The following ASAP1 variants were observed in gnomAD, a reference collection of about 807,000 sequenced individuals.
ASAP1 encodes the protein arf-GAP with SH3 domain, ANK repeat and PH domain-containing protein 1.
A neutral mutation model predicts 145.2 loss-of-function variants in ASAP1; 43 were observed. The observed-to-expected ratio is 0.30, with a 90% CI of 0.23 to 0.38. ASAP1 has a LOEUF of 0.38. ASAP1 is among the 10% of genes least tolerant of loss of function. The pLI, the probability that ASAP1 is intolerant of heterozygous loss-of-function variation, is 1.00. For missense variants in ASAP1, 1,018 were observed against 1,355.3 expected, an observed-to-expected ratio of 0.75 and a Z score of 3.91; for synonymous variants, 546 against 515.5, an observed-to-expected ratio of 1.06 and a Z score of -0.80.
intron 3 of ASAP1, among the ~76,000 whole-genome samples, chr8:130,329,639 C>G (rs1407818827): frequency 6.6e-6 from 1 of 152,212 alleles, no homozygotes; most frequent in Non-Finnish European, 1.5e-5. Context: ...TCCAACTAAA[C>G]ACTTCAGGTA....
At chr8:130,426,397 T>C (rs1829918210) in intron 1 of ASAP1, among the ~76,000 whole-genome samples, 1 of 149,996 alleles carries the variant, frequency 6.7e-6, no homozygotes, top group South Asian at 2.1e-4. Flanking sequence ...GAGCATAAAC[T>C]AATACACTGG....
At chr8:130,057,612 T>C (rs1297343750) in intron 29 of ASAP1, among the ~76,000 whole-genome samples, 4 of 151,926 alleles carry the variant, frequency 2.6e-5, no homozygotes, top group Non-Finnish European at 4.4e-5. Flanking sequence ...CCATGCCCAG[T>C]TAATTTTTTG....
chr8:130,131,005 A>G (rs1231632985), intron 15 of ASAP1, among the ~76,000 whole-genome samples: 2 of 152,120 alleles, frequency 1.3e-5, no homozygotes, highest in South Asian at 4.1e-4. Flanking sequence ...AAACACAAAA[A>G]AATTAGCCAG....
intron 1 of ASAP1, among the ~76,000 whole-genome samples, chr8:130,412,487 A>C (rs928934405): frequency 1.3e-5 from 2 of 151,946 alleles, no homozygotes; most frequent in African/African-American, 2.4e-5. Context: ...GAGGCCCCCC[A>C]GAAGCCGAGC....
intron 2 of ASAP1, among the ~76,000 whole-genome samples, chr8:130,393,112 C>T (rs1300760908): frequency 1.3e-5 from 2 of 152,062 alleles, no homozygotes; most frequent in African/African-American, 4.8e-5. Context: ...TGTTTTTCAT[C>T]CTTCTGCCCC....
At chr8:130,389,360 G>C (rs1162030119) in intron 2 of ASAP1, among the ~76,000 whole-genome samples, 1 of 142,292 alleles carries the variant, frequency 7.0e-6, no homozygotes, top group Non-Finnish European at 1.5e-5. Flanking sequence ...TTAAAGTCCA[G>C]GACAAGGGAA....
intron 3 of ASAP1, among the ~76,000 whole-genome samples, chr8:130,252,799 CA>C (rs543941322): frequency 4.8e-4 from 73 of 152,020 alleles, no homozygotes; most frequent in African/African-American, 1.5e-3. Flanking sequence ...ATTTAAAGAC[CA>C]AAAAAATACT....
At chr8:130,069,396 T>C (rs2097437286) in intron 27 of ASAP1, 3 of 152,256 alleles carry the variant, frequency 2.0e-5, no homozygotes, top group Non-Finnish European at 2.9e-5. Flanking sequence ...GCACCACGCC[T>C]GGCTAATTTT....
intron 2 of ASAP1, among the ~76,000 whole-genome samples, chr8:130,369,735 G>C (rs953675578): frequency 1.3e-5 from 2 of 152,182 alleles, no homozygotes; most frequent in Non-Finnish European, 2.9e-5. Context: ...TATTGTCAAG[G>C]ATGTGAAGAA....
At chr8:130,164,934 C>G (rs1357957072) in intron 11 of ASAP1, among the ~76,000 whole-genome samples, 1 of 152,174 alleles carries the variant, frequency 6.6e-6, no homozygotes, top group African/African-American at 2.4e-5. Flanking sequence ...ATGGTCTCCT[C>G]TCACATTTAA....
At chr8:130,183,215 C>G (rs945535710) in intron 7 of ASAP1, among the ~76,000 whole-genome samples, 1 of 151,978 alleles carries the variant, frequency 6.6e-6, no homozygotes, top group African/African-American at 2.4e-5. Context: ...CAACAAACAA[C>G]AACCACATAT....
intron 27 of ASAP1, among the ~76,000 whole-genome samples, chr8:130,072,282 A>C (rs778090785): frequency 3.9e-5 from 6 of 152,118 alleles, no homozygotes; most frequent in Non-Finnish European, 4.4e-5. Context: ...TGTAGCCCCC[A>C]TAATTTCTAC....
intron 26 of ASAP1, among the ~76,000 whole-genome samples, 198 bp downstream of exon 26, chr8:130,079,704 C>T (rs901900760): frequency 6.6e-6 from 1 of 151,996 alleles, no homozygotes; most frequent in African/African-American, 2.4e-5. Context: ...AGAGAACGGT[C>T]TGCAGACCTG....
chr8:130,335,354 G>A (rs756832858), intron 3 of ASAP1, among the ~76,000 whole-genome samples: 13 of 152,156 alleles, frequency 8.5e-5, no homozygotes, highest in Non-Finnish European at 1.5e-4. Context: ...CTATTTTACA[G>A]AGGAGAAACC....
At chr8:130,220,959 A>C (rs1330352725) in intron 4 of ASAP1, among the ~76,000 whole-genome samples, 4 of 152,156 alleles carry the variant, frequency 2.6e-5, no homozygotes, top group African/African-American at 9.7e-5. Context: ...CCCATGATTC[A>C]ATAACTTCCT....
rs1256293269 is a variant in ASAP1 at position 130,358,706 on chromosome 8, CG to C, written c.60-564del. ...CGCGCCGCCCCCAGCCCCGCCCCCCCGGTCCCTCCCCGCCCGCGCCCCGCCC... is the reference window on the plus strand; with the variant it reads ...CGCGCCGCCCCCAGCCCCGCCCCCCCGTCCCTCCCCGCCCGCGCCCCGCCC... On this transcript the variant is annotated intron_variant, in intron 2 of 29. Coordinates refer to ENST00000518721, the MANE Select transcript of ASAP1 (RefSeq NM_018482.4). The surrounding 1 kb of genome is among the most constrained non-coding windows in gnomAD (Gnocchi z 4.1). Among the ~76,000 whole-genome samples, 6 of 139,594 alleles carry C rather than the reference CG, an allele frequency of 4.3e-5. No homozygotes were observed. The highest frequency in any genetic ancestry group is 7.0e-5 in the Admixed American group (1 of 14,310). The allele number at this position is 139,594 out of a possible 152,430, so 91.6% of individuals were successfully genotyped here.
intron 18 of ASAP1, among the ~76,000 whole-genome samples, chr8:130,122,329 G>A (rs927809177): frequency 2.6e-5 from 4 of 152,172 alleles, no homozygotes; most frequent in African/African-American, 4.8e-5. Context: ...CTGAAGTAGG[G>A]AAGCTGCCTC....
intron 3 of ASAP1, among the ~76,000 whole-genome samples, chr8:130,242,102 G>A (rs1818562740): frequency 6.6e-6 from 1 of 151,764 alleles, no homozygotes; most frequent in Non-Finnish European, 1.5e-5. Context: ...ACATTAATGT[G>A]CCTAGAAGTG....
intron 3 of ASAP1, among the ~76,000 whole-genome samples, chr8:130,251,880 G>C (rs1170237990): frequency 6.6e-6 from 1 of 152,088 alleles, no homozygotes; most frequent in Non-Finnish European, 1.5e-5. Flanking sequence ...AAGAAATTTG[G>C]TGAATGGAGA....
Sources: gnomAD v4.1 joint callset for allele counts (sites outside exome capture counted in the v4.1 genomes callset) on GRCh38, gnomAD v4.1.1 for gene constraint, Gnocchi (gnomAD v3.1) non-coding constraint, MANE v1.5 for transcripts, NCBI Gene and HGNC (gene_info 2026-07-23, HGNC 2026-07-21) for gene names.